The following ASB15 variants were observed in gnomAD, a reference collection of about 807,000 sequenced individuals.
The protein encoded by ASB15 is ankyrin repeat and SOCS box containing 15.
ASB15 carries 54 observed loss-of-function variants against 58.0 expected under a neutral mutation model. The ratio of observed to expected loss-of-function variants is 0.93; its 90% CI spans 0.75 to 1.17. The LOEUF is 1.17. Among genes scored for constraint, ASB15 ranks in the 50% most tolerant of loss-of-function variants. The probability of loss-of-function intolerance (pLI) is 0.00; values close to 1 mark genes in which losing one functional copy is unlikely to be tolerated. For synonymous variants in ASB15, 249 were observed against 262.4 expected, an observed-to-expected ratio of 0.95 and a Z score of 0.50; for missense variants, 680 against 707.4, an observed-to-expected ratio of 0.96 and a Z score of 0.44.
intron 7 of ASB15, 48 bp from the exon 8 acceptor site, chr7:123,624,516 CTAAGG>C (rs1208146798): frequency 2.0e-6 from 3 of 1,516,624 alleles, no homozygotes; most frequent in Admixed American, 1.7e-5. Context: ...TTAATACCAC[CTAAGG>C]TATTTGTGTT....
chr7:123,578,181 G>A (rs187199683), intron 1 of ASB15, among the ~76,000 whole-genome samples: 45 of 148,646 alleles, frequency 3.0e-4, no homozygotes, highest in Admixed American at 1.4e-3. Context: ...AAAGTTATTC[G>A]TAACCCATAC....
intron 4 of ASB15, chr7:123,615,493 G>A (rs1158575184): frequency 5.3e-5 from 8 of 152,170 alleles, no homozygotes. Flanking sequence ...CTTCCTGGAA[G>A]GCATTCACAA....
chr7:123,616,628 G>GCA, intron 6 of ASB15, 133 bp downstream of exon 6: 1 of 1,127,388 alleles, frequency 8.9e-7, no homozygotes, highest in East Asian at 2.7e-5. Flanking sequence ...TTTGAAAAAG[G>GCA]CAGCACCCAT....
chr7:123,590,175 T>G (rs1011894933), intron 1 of ASB15, among the ~76,000 whole-genome samples: 1 of 152,184 alleles, frequency 6.6e-6, no homozygotes, highest in Non-Finnish European at 1.5e-5. Context: ...TTGTTTGTTT[T>G]TTTTCCTGTA....
chr7:123,626,989 G>T, intron 8 of ASB15, 121 bp from the exon 9 acceptor site: 1 of 1,009,788 alleles, frequency 9.9e-7, no homozygotes, highest in Non-Finnish European at 1.5e-6. Context: ...GCCCGCCTCA[G>T]CCTCCAGTGC....
At position 123,614,592 on chromosome 7, in the gene ASB15, T is replaced by G. The variant is rs1584778486; in HGVS notation, c.90T>G (p.Thr30=). 6.2e-7 allele frequency: 1 copy of G among 1,604,030 alleles called. No individual in the cohort carries two copies. Among genetic ancestry groups the G allele is most frequent in the East Asian group, 2.2e-5 (1 of 44,768 alleles). The change falls in exon 4 of 12, where the codon ACT becomes ACG. Residue 30 remains threonine (T), a synonymous_variant. Coordinates refer to ENST00000451215, the MANE Select transcript of ASB15 (RefSeq NM_001290258.2). Reference sequence around the variant, plus strand: ...AAGAATCCATTGAAGCCAGCAAGACTGCACTTTGTCCTGAAAGGTAGTATT... The same window carrying G: ...AAGAATCCATTGAAGCCAGCAAGACGGCACTTTGTCCTGAAAGGTAGTATT... ...SIQESIEASK[T]ALCPERFVPL...
chr7:123,622,408 G>T (rs911078407), intron 7 of ASB15, among the ~76,000 whole-genome samples: 4 of 151,926 alleles, frequency 2.6e-5, no homozygotes, highest in Non-Finnish European at 5.9e-5. Context: ...TCATTTATTG[G>T]TTAAGAATGT....
chr7:123,609,699 G>A (rs1800336431), intron 3 of ASB15, among the ~76,000 whole-genome samples: 1 of 152,182 alleles, frequency 6.6e-6, no homozygotes, highest in Non-Finnish European at 1.5e-5. Context: ...CTTTTTCAGG[G>A]AAAGGGAGAA....
chr7:123,620,390 C>T (rs921534141), intron 7 of ASB15: 2 of 150,096 alleles, frequency 1.3e-5, no homozygotes, highest in African/African-American at 4.9e-5. Flanking sequence ...ATCACAGTCA[C>T]GTGACACTTT....
chr7:123,583,115 GGT>G (rs948044830), intron 1 of ASB15, among the ~76,000 whole-genome samples: 1 of 151,946 alleles, frequency 6.6e-6, no homozygotes, highest in Non-Finnish European at 1.5e-5. Context: ...TGTAGACCTA[GGT>G]GCAGTGGCTC....
At position 123,629,200 on chromosome 7, in the gene ASB15, T is replaced by C; in HGVS notation, c.1206T>C (p.His402=). ...AAATTGTCAGGCTGCTTCTCTCCCA[T>C]GGAGCTAATGTCAATTGTTATTTTA... ...NYEIVRLLLS[H]GANVNCYFMH... Residue 402 remains histidine, a synonymous_variant, in exon 10 of 12, where the codon CAT becomes CAC. Coordinates refer to ENST00000451215, the MANE Select transcript of ASB15 (RefSeq NM_001290258.2). 1 of 1,613,792 alleles carries C rather than the reference T, an allele frequency of 6.2e-7. No homozygotes were observed. The highest frequency in any genetic ancestry group is 8.5e-7 in the Non-Finnish European group (1 of 1,179,644).
At chr7:123,623,751 C>G (rs1157580227) in intron 7 of ASB15, among the ~76,000 whole-genome samples, 2 of 151,304 alleles carry the variant, frequency 1.3e-5, no homozygotes, top group African/African-American at 4.9e-5. Flanking sequence ...GTAATTCCAG[C>G]TACTCAGGAG....
chr7:123,592,527 T>G (rs1056017868), intron 1 of ASB15, among the ~76,000 whole-genome samples: 2 of 152,242 alleles, frequency 1.3e-5, no homozygotes, highest in Non-Finnish European at 2.9e-5. Context: ...CATTTCTGCC[T>G]TCATTTTGTT....
At chr7:123,567,374 G>A (rs1352920973) in intron 1 of ASB15, among the ~76,000 whole-genome samples, 2 of 152,134 alleles carry the variant, frequency 1.3e-5, no homozygotes, top group Admixed American at 1.3e-4. Flanking sequence ...AGGTTAGTAG[G>A]CCAGATCCAG....
chr7:123,579,064 C>T (rs1799151648), intron 1 of ASB15, among the ~76,000 whole-genome samples: 1 of 152,044 alleles, frequency 6.6e-6, no homozygotes, highest in Admixed American at 6.6e-5. Context: ...CTCGCTCCCT[C>T]CTTCCTCCCT....
intron 7 of ASB15, among the ~76,000 whole-genome samples, chr7:123,621,151 G>A (rs1801296292): frequency 1.3e-5 from 2 of 152,068 alleles, no homozygotes; most frequent in African/African-American, 4.8e-5. Flanking sequence ...ACATTTACAT[G>A]CATTTCAAAG....
chr7:123,577,997 C>A (rs1317422661), intron 1 of ASB15, among the ~76,000 whole-genome samples: 1 of 151,630 alleles, frequency 6.6e-6, no homozygotes, highest in Non-Finnish European at 1.5e-5. Context: ...CACCCATCAA[C>A]CCATCACCTA....
chr7:123,620,593 A>T (rs1190238390), intron 7 of ASB15, among the ~76,000 whole-genome samples: 1 of 63,508 alleles, frequency 1.6e-5, no homozygotes, highest in African/African-American at 6.1e-5. Context: ...TTTTTTTGAG[A>T]CAGAGTCTCG....
At chr7:123,596,293 T>G (rs892983406) in intron 1 of ASB15, 20 of 152,116 alleles carry the variant, frequency 1.3e-4, no homozygotes, top group African/African-American at 4.6e-4. Flanking sequence ...TGACATCTTT[T>G]AATGGTAGAA....
Sources: allele counts gnomAD v4.1 joint callset (sites outside exome capture counted in the v4.1 genomes callset), GRCh38; gene constraint gnomAD v4.1.1; transcripts MANE v1.5; gene names NCBI Gene and HGNC (gene_info 2026-07-23, HGNC 2026-07-21).